EAPP: variants seen among roughly 807,000 people sequenced by gnomAD.
The protein encoded by EAPP is E2F-associated phosphoprotein.
Under a neutral mutation model 34.3 loss-of-function variants are expected in EAPP, and 38 were observed. The observed-to-expected ratio is 1.11, with a 90% CI of 0.85 to 1.45. The LOEUF is 1.45. Ranked by LOEUF, EAPP falls within the 40% of genes most tolerant of loss-of-function variation. The probability of loss-of-function intolerance (pLI) is 0.00; values close to 1 mark genes in which losing one functional copy is unlikely to be tolerated. For missense variants in EAPP, 338 were observed against 343.7 expected (o/e 0.98, Z 0.13); for synonymous variants, 113 against 117.6 (o/e 0.96, Z 0.25).
At chr14:34,517,137 A>C (rs1224863405) in intron 5 of EAPP, among the ~76,000 whole-genome samples, 1 of 150,512 alleles carries the variant, frequency 6.6e-6, no homozygotes, top group Non-Finnish European at 1.5e-5. Flanking sequence ...ATGGGGTTTC[A>C]TTGTGTTAGC....
intron 5 of EAPP, among the ~76,000 whole-genome samples, chr14:34,520,939 C>G (rs1879897021): frequency 6.6e-6 from 1 of 152,028 alleles, no homozygotes; most frequent in Non-Finnish European, 1.5e-5. Flanking sequence ...TCTCTTTGTC[C>G]ATAACCTTTG....
At chr14:34,537,334 G>A (rs571018387) in intron 1 of EAPP, among the ~76,000 whole-genome samples, 1 of 152,286 alleles carries the variant, frequency 6.6e-6, no homozygotes, top group African/African-American at 2.4e-5. Context: ...ATAACTGAAT[G>A]TGAATCTACG....
intron 2 of EAPP, among the ~76,000 whole-genome samples, chr14:34,534,625 T>A (rs2138223559): frequency 6.6e-6 from 1 of 152,230 alleles, no homozygotes; most frequent in South Asian, 2.1e-4. Flanking sequence ...CTTTTTTTTT[T>A]AACTCGAGTA....
intron 4 of EAPP, among the ~76,000 whole-genome samples, chr14:34,528,543 T>G (rs2138896015): frequency 6.8e-6 from 1 of 146,996 alleles, no homozygotes; most frequent in African/African-American, 2.5e-5. Flanking sequence ...CGCCTCAGCC[T>G]CCTGAGTAGC....
intron 1 of EAPP, among the ~76,000 whole-genome samples, chr14:34,537,923 C>T (rs973399093): frequency 6.6e-6 from 1 of 152,166 alleles, no homozygotes. Context: ...CTGACAGACA[C>T]CTCTCTAACA....
chr14:34,526,006 C>T (rs192924858), intron 4 of EAPP, among the ~76,000 whole-genome samples: 6 of 151,014 alleles, frequency 4.0e-5, no homozygotes, highest in East Asian at 2.0e-4. Context: ...GGCGACAGAG[C>T]GAGACTCTGT....
Position 34,524,734 on chromosome 14 carries a change from G to C in EAPP, c.544C>G (p.Pro182Ala). 6.2e-7 allele frequency: 1 copy of C among 1,612,702 alleles called. No homozygotes were observed. Reference sequence around the variant, plus strand: ...AGGCAAAGTGTGGTCATGCAGGCAGGACAATTCAAGACAGCATCACTATTT... The same window carrying C: ...AGGCAAAGTGTGGTCATGCAGGCAGCACAATTCAAGACAGCATCACTATTT... ...VPNSDAVLNCPACMTTLCLDC... is the reference protein window; with the variant it reads ...VPNSDAVLNCAACMTTLCLDC... Residue 182 changes from proline to alanine, a missense_variant, in exon 5 of 6, where the codon CCT becomes GCT. Pro to Ala is a conservative substitution (Grantham distance 27, BLOSUM62 -1). Coordinates refer to ENST00000250454, the MANE Select transcript of EAPP (RefSeq NM_018453.4).
At chr14:34,520,356 C>A (rs985644128) in intron 5 of EAPP, among the ~76,000 whole-genome samples, 1 of 150,216 alleles carries the variant, frequency 6.7e-6, no homozygotes, top group Non-Finnish European at 1.5e-5. Flanking sequence ...ATTACAGGCA[C>A]GCGCCAACAC....
At chr14:34,521,635 CTTTT>C (rs34835280) in intron 5 of EAPP, among the ~76,000 whole-genome samples, 2 of 129,698 alleles carry the variant, frequency 1.5e-5, no homozygotes, top group Non-Finnish European at 3.2e-5. Flanking sequence ...TCCCAGATTT[CTTTT>C]TTTTTTTTTT....
chr14:34,521,515 A>C (rs1879917637), intron 5 of EAPP, among the ~76,000 whole-genome samples: 1 of 151,414 alleles, frequency 6.6e-6, no homozygotes, highest in Non-Finnish European at 1.5e-5. Context: ...CTGATTGTGC[A>C]TTTTCAAACA....
intron 2 of EAPP, 153 bp downstream of exon 2, chr14:34,535,941 T>G (rs1880457288): frequency 1.7e-6 from 1 of 574,690 alleles, no homozygotes; most frequent in African/African-American, 2.0e-5. Flanking sequence ...AAAGGAAGAC[T>G]CTAGCTCAGA....
chr14:34,533,120 C>T (rs180962492), intron 3 of EAPP, among the ~76,000 whole-genome samples: 59 of 152,232 alleles, frequency 3.9e-4, no homozygotes, highest in Middle Eastern at 6.9e-3. Flanking sequence ...CTGCAACCTC[C>T]GCCTCCTGGG....
chr14:34,528,788 G>C (rs142496979), intron 4 of EAPP, among the ~76,000 whole-genome samples: 1 of 151,924 alleles, frequency 6.6e-6, no homozygotes, highest in Admixed American at 6.6e-5. Context: ...AGTTTTTCTT[G>C]AGGGAGAGAT....
intron 1 of EAPP, among the ~76,000 whole-genome samples, chr14:34,537,429 G>C (rs1340803637): frequency 2.6e-5 from 4 of 152,128 alleles, no homozygotes; most frequent in Admixed American, 2.0e-4. Context: ...TTCAATCCTT[G>C]TCATTATCTC....
chr14:34,535,624 G>C (rs999006209), intron 2 of EAPP, among the ~76,000 whole-genome samples: 17 of 151,346 alleles, frequency 1.1e-4, no homozygotes, highest in Non-Finnish European at 1.8e-4. Flanking sequence ...AGTAGACACA[G>C]GGTTTCACCG....
chr14:34,536,392 A>G (rs1304636840), intron 1 of EAPP, 117 bp from the exon 2 acceptor site: 2 of 694,306 alleles, frequency 2.9e-6, no homozygotes, highest in Non-Finnish European at 4.5e-6. Context: ...CATTTGATGT[A>G]CTTATACATT....
chr14:34,528,478 G>C (rs1037353008), intron 4 of EAPP, among the ~76,000 whole-genome samples: 1 of 137,868 alleles, frequency 7.3e-6, no homozygotes, highest in Non-Finnish European at 1.5e-5. Flanking sequence ...CTGGAGTGGA[G>C]TGGCGTGATC....
At chr14:34,516,690 C>A in intron 5 of EAPP, 104 bp from the exon 6 acceptor site, 1 of 1,154,256 alleles carries the variant, frequency 8.7e-7, no homozygotes, top group Non-Finnish European at 1.2e-6. Context: ...AAATACCAAC[C>A]AAAGACAAGA....
chr14:34,523,817 G>C (rs1486086868), intron 5 of EAPP, among the ~76,000 whole-genome samples: 2 of 152,076 alleles, frequency 1.3e-5, no homozygotes, highest in East Asian at 3.9e-4. Flanking sequence ...GGGATTACAG[G>C]CATGAGTCAC....
Sources: gnomAD v4.1 joint callset for allele counts (sites outside exome capture counted in the v4.1 genomes callset) on GRCh38, gnomAD v4.1.1 for gene constraint, MANE v1.5 for transcripts, NCBI Gene and HGNC (gene_info 2026-07-23, HGNC 2026-07-21) for gene names.